The following NRXN3 variants were observed in gnomAD, a reference collection of about 807,000 sequenced individuals.
NRXN3 encodes the protein neurexin III.
Under a neutral mutation model 137.6 loss-of-function variants are expected in NRXN3, and 32 were observed. That is an observed-to-expected ratio of 0.23 (90% CI 0.18 to 0.31). The LOEUF (loss-of-function observed/expected upper bound fraction) is 0.31. NRXN3 is among the 10% of genes least tolerant of loss of function. The pLI, the probability that NRXN3 is intolerant of heterozygous loss-of-function variation, is 1.00. For missense variants in NRXN3, 1,574 were observed against 2,062.5 expected, an observed-to-expected ratio of 0.76 and a Z score of 4.59; for synonymous variants, 798 against 784.5, an observed-to-expected ratio of 1.02 and a Z score of -0.29.
intron 15 of NRXN3, among the ~76,000 whole-genome samples, chr14:79,080,859 A>G (rs1342616300): frequency 3.3e-5 from 5 of 152,062 alleles, no homozygotes; most frequent in Non-Finnish European, 5.9e-5. Context: ...GAATTTCCTG[A>G]TTGATGAAGA....
At chr14:79,554,261 T>G (rs147668656) in intron 16 of NRXN3, among the ~76,000 whole-genome samples, 1,721 of 152,214 alleles carry the variant, frequency 0.011, 21 homozygotes, top group Middle Eastern at 0.044. Flanking sequence ...GGCAGGAATC[T>G]GGGTGGGGAG....
At chr14:78,548,936 C>G (rs2096661228) in intron 4 of NRXN3, among the ~76,000 whole-genome samples, 1 of 152,194 alleles carries the variant, frequency 6.6e-6, no homozygotes, top group Non-Finnish European at 1.5e-5. Context: ...GACCTGTTCT[C>G]TTCTCCGCAT....
rs1447889214 is a variant in NRXN3 at position 79,365,736 on chromosome 14, AAAAAAAAAG to A, written c.3263-101473_3263-101465del. ...GCGAGACTCTGTCTCAAAAAAAAAAAAAAAAAAAGAAAAAAAAGAAGAGTTTTATTAAAC... is the reference window on the plus strand; with the variant it reads ...GCGAGACTCTGTCTCAAAAAAAAAAAAAAAAAAAGAAGAGTTTTATTAAAC... On this transcript the variant is annotated intron_variant, in intron 15 of 20. Transcript: ENST00000335750. 3.4e-3 allele frequency among the ~76,000 whole-genome samples: 489 copies of A among 145,646 alleles called. 13 individuals carry two copies. Among genetic ancestry groups the A allele is most frequent in the Non-Finnish European group, 5.5e-3 (362 of 66,384 alleles).
chr14:79,188,321 C>T (rs970087130), intron 15 of NRXN3, among the ~76,000 whole-genome samples: 5 of 151,834 alleles, frequency 3.3e-5, no homozygotes, highest in African/African-American at 1.2e-4. Flanking sequence ...TCTCTAAATT[C>T]GAGATATGTG....
intron 15 of NRXN3, among the ~76,000 whole-genome samples, chr14:79,190,453 C>T (rs1425841638): frequency 1.3e-5 from 2 of 152,090 alleles, no homozygotes; most frequent in African/African-American, 2.4e-5. Flanking sequence ...TTTCTAAATG[C>T]AGAATCAGCC....
intron 15 of NRXN3, among the ~76,000 whole-genome samples, chr14:79,418,332 G>T (rs917925226): frequency 1.3e-5 from 2 of 152,144 alleles, no homozygotes; most frequent in Non-Finnish European, 2.9e-5. Context: ...AGGTATACAA[G>T]AGTGGAAACC....
intron 4 of NRXN3, among the ~76,000 whole-genome samples, chr14:78,551,477 C>A (rs1027991761): frequency 6.6e-6 from 1 of 152,124 alleles, no homozygotes; most frequent in Non-Finnish European, 1.5e-5. Context: ...AATCAGCATA[C>A]AATAGTTTGC....
At chr14:79,821,399 A>T (rs899455525) in intron 20 of NRXN3, among the ~76,000 whole-genome samples, 3 of 152,194 alleles carry the variant, frequency 2.0e-5, no homozygotes, top group Non-Finnish European at 4.4e-5. Context: ...AGTCATGGGA[A>T]CTCTGAACTG....
At chr14:79,606,851 C>A (rs1249006906) in intron 16 of NRXN3, among the ~76,000 whole-genome samples, 1 of 152,168 alleles carries the variant, frequency 6.6e-6, no homozygotes, top group Non-Finnish European at 1.5e-5. Flanking sequence ...AGCGTGGACA[C>A]ACATTCAGGG....
chr14:78,260,698 C>T (rs1187845718), intron 2 of NRXN3, among the ~76,000 whole-genome samples: 1 of 152,158 alleles, frequency 6.6e-6, no homozygotes, highest in East Asian at 1.9e-4. Flanking sequence ...GATCTCTTCT[C>T]TTGTCTGCTG....
intron 2 of NRXN3, among the ~76,000 whole-genome samples, chr14:78,253,191 C>T (rs761614440): frequency 2.0e-5 from 3 of 152,218 alleles, no homozygotes; most frequent in Non-Finnish European, 4.4e-5. Context: ...TGTGCTTTGA[C>T]TCACGGCTTA....
intron 4 of NRXN3, among the ~76,000 whole-genome samples, chr14:78,526,985 C>CAATGAGAA (rs1301722235): frequency 6.6e-6 from 1 of 152,072 alleles, no homozygotes; most frequent in African/African-American, 2.4e-5. Context: ...AGTGAAGTGG[C>CAATGAGAA]AATGAGAAAC....
chr14:79,761,295 A>C (rs982753492), intron 19 of NRXN3, among the ~76,000 whole-genome samples: 1 of 151,650 alleles, frequency 6.6e-6, no homozygotes, highest in Non-Finnish European at 1.5e-5. Context: ...AGTTCAACGC[A>C]ATGATCCTTC....
intron 15 of NRXN3, among the ~76,000 whole-genome samples, chr14:79,406,746 G>A (rs1397233662): frequency 6.6e-6 from 1 of 152,106 alleles, no homozygotes; most frequent in Non-Finnish European, 1.5e-5. Flanking sequence ...ATTCTTAGTA[G>A]TTTTGATGAG....
rs529784147 is a variant in NRXN3, at chr14:78,605,993, A to C, written c.758-39127A>C. Reference sequence around the variant, plus strand: ...ATTAGCAGAATGACAAAATGTGTGAAGAAGGATAGATGATGGTTATTTCAA... The same window carrying C: ...ATTAGCAGAATGACAAAATGTGTGACGAAGGATAGATGATGGTTATTTCAA... On this transcript the variant is annotated intron_variant, in intron 4 of 20. Transcript: ENST00000335750. Among the ~76,000 whole-genome samples the C allele has an allele frequency of 2.5e-4, 38 of 152,272 alleles. 1 individual carries two copies. In the South Asian group the frequency reaches 7.5e-3, roughly 30 times the overall value.
intron 10 of NRXN3, among the ~76,000 whole-genome samples, chr14:78,847,616 T>A (rs1322742861): frequency 6.6e-6 from 1 of 152,090 alleles, no homozygotes; most frequent in Admixed American, 6.6e-5. Flanking sequence ...CAGAGAATGA[T>A]GCTGTACCTC....
chr14:78,280,191 C>T (rs550145435), intron 3 of NRXN3, among the ~76,000 whole-genome samples: 51 of 152,222 alleles, frequency 3.4e-4, no homozygotes, highest in African/African-American at 1.1e-3. Context: ...CCCTCATGGA[C>T]CTTTTATTTT....
chr14:79,569,624 TGTGTGTGAGAGA>T (rs898443437), intron 16 of NRXN3, among the ~76,000 whole-genome samples: 8 of 147,196 alleles, frequency 5.4e-5, no homozygotes, highest in African/African-American at 2.1e-4. Flanking sequence ...TGTGTGTGTG[TGTGTGTGAGAGA>T]GAGAGAGAGA....
At chr14:79,770,426 C>T (rs2099073431) in intron 19 of NRXN3, among the ~76,000 whole-genome samples, 2 of 135,466 alleles carry the variant, frequency 1.5e-5, no homozygotes, top group Non-Finnish European at 3.2e-5. Flanking sequence ...CAAACTATCT[C>T]TCAGACCACA....
Sources: allele counts gnomAD v4.1 joint callset (sites outside exome capture counted in the v4.1 genomes callset), GRCh38; gene constraint gnomAD v4.1.1; transcripts MANE v1.5; gene names NCBI Gene and HGNC (gene_info 2026-07-23, HGNC 2026-07-21).